The following PTPRC variants were observed in gnomAD, a reference collection of about 807,000 sequenced individuals.
PTPRC encodes the protein receptor-type tyrosine-protein phosphatase C.
Under a neutral mutation model 155.9 loss-of-function variants are expected in PTPRC, and 44 were observed. The ratio of observed to expected loss-of-function variants is 0.28; its 90% CI spans 0.22 to 0.36. The LOEUF is 0.36. Ranked by LOEUF, PTPRC falls within the 10% of genes least tolerant of loss-of-function variation. The pLI is 1.00. For synonymous variants in PTPRC, 525 were observed against 533.1 expected (o/e 0.98, Z 0.21); for missense variants, 1,401 against 1,564.6 (o/e 0.90, Z 1.76).
chr1:198,739,143 C>G (rs1261526514), intron 23 of PTPRC, among the ~76,000 whole-genome samples: 1 of 150,748 alleles, frequency 6.6e-6, no homozygotes, highest in African/African-American at 2.4e-5. Context: ...TAAAGGAAGA[C>G]AGGAAGAAAA....
intron 6 of PTPRC, 100 bp downstream of exon 6, chr1:198,702,630 G>T: frequency 6.6e-7 from 1 of 1,503,890 alleles, no homozygotes. Flanking sequence ...GATATTATTT[G>T]TAGGTTTCCC....
intron 2 of PTPRC, among the ~76,000 whole-genome samples, chr1:198,639,790 T>C (rs1178576754): frequency 2.0e-5 from 3 of 152,102 alleles, no homozygotes; most frequent in Non-Finnish European, 2.9e-5. Context: ...TTTTCAGACC[T>C]GAAGTTTGCT....
At chr1:198,643,137 AC>A (rs1448070588) in intron 2 of PTPRC, among the ~76,000 whole-genome samples, 28 of 151,748 alleles carry the variant, frequency 1.8e-4, no homozygotes, top group African/African-American at 6.8e-4. Flanking sequence ...ATTGAATTGC[AC>A]ACTTTTTATC....
In PTPRC at chr1:198,752,315, G is replaced by C. The variant is rs368690279; in HGVS notation, c.3274G>C (p.Asp1092His). ...TYGDIEVDLK[D>H]TDKSSTYTLR... is the part of the protein sequence containing the mutation. ...TGGAGATATTGAAGTTGACCTGAAA[G>C]ACACAGACAAATCTTCAACTTATAC... The change falls in exon 30 of 33, where the codon GAC becomes CAC. Residue 1092 changes from aspartate to histidine, a missense_variant. Physicochemically the swap from Asp to His is moderately conservative, Grantham distance 81. Coordinates refer to ENST00000442510, the MANE Select transcript of PTPRC (RefSeq NM_002838.5). The C allele has an allele frequency of 5.0e-6, 8 of 1,612,368 alleles. No individual in the cohort carries two copies. The highest frequency in any genetic ancestry group is 6.8e-6 in the Non-Finnish European group (8 of 1,179,020).
intron 4 of PTPRC, among the ~76,000 whole-genome samples, chr1:198,697,356 A>T (rs765587746): frequency 6.6e-6 from 1 of 152,226 alleles, no homozygotes; most frequent in Non-Finnish European, 1.5e-5. Context: ...AAGATAGAGA[A>T]TGTATTATTT....
In PTPRC at chr1:198,752,712, A is replaced by G. The variant is rs776090857; in HGVS notation, c.3449A>G (p.Gln1150Arg). 2.5e-6 allele frequency: 4 copies of G among 1,612,992 alleles called. No homozygotes were observed. The highest frequency in any genetic ancestry group is 1.1e-5 in the South Asian group (1 of 91,066). The part of the protein sequence containing the change: ...MIQVVKQKLP[Q>R]KNSSEGNKHH... ...CAGGTCGTCAAACAAAAACTTCCCC[A>G]GAAGAATTCCTCTGAAGGGAACAAG... The change falls in exon 31 of 33, where the codon CAG becomes CGG. Residue 1150 changes from glutamine (Q) to arginine (R), a missense_variant. Transcript: ENST00000442510.
intron 2 of PTPRC, among the ~76,000 whole-genome samples, chr1:198,685,056 T>C (rs1029974628): frequency 6.6e-6 from 1 of 152,056 alleles, no homozygotes; most frequent in Non-Finnish European, 1.5e-5. Context: ...AGTTTCCTTA[T>C]ATATCAAATG....
intron 2 of PTPRC, among the ~76,000 whole-genome samples, chr1:198,649,004 T>C (rs1202229358): frequency 2.6e-5 from 4 of 151,870 alleles, no homozygotes; most frequent in Non-Finnish European, 5.9e-5. Context: ...TCTCATCTTA[T>C]TCCAGGAAGT....
chr1:198,695,274 C>G (rs1401602496), intron 3 of PTPRC: 2 of 790,660 alleles, frequency 2.5e-6, no homozygotes, highest in African/African-American at 3.8e-5. Flanking sequence ...CTCATTCTCT[C>G]CCTTTTTCCA....
At chr1:198,700,000 C>T (rs1666389328) in intron 5 of PTPRC, 1 of 488,214 alleles carries the variant, frequency 2.0e-6, no homozygotes, top group Non-Finnish European at 3.7e-6. Context: ...ACAGGGAAAA[C>T]TTTTTGTTAG....
At chr1:198,693,793 G>A (rs1666055935) in intron 3 of PTPRC, among the ~76,000 whole-genome samples, 1 of 152,172 alleles carries the variant, frequency 6.6e-6, no homozygotes, top group African/African-American at 2.4e-5. Context: ...CTTAAGATGT[G>A]TGCAAAGATA....
In PTPRC at chr1:198,738,584, A is replaced by C. The variant is rs186946762; in HGVS notation, c.2404-3285A>C. On this transcript the variant is annotated intron_variant, in intron 23 of 32. Transcript: ENST00000442510. Reference sequence around the variant, plus strand: ...GTTGAGGATTTTTGCATCAGTATTCATCAGGGATATTGACCGGTAGTTTTC... The same window carrying C: ...GTTGAGGATTTTTGCATCAGTATTCCTCAGGGATATTGACCGGTAGTTTTC... 5.9e-5 allele frequency among the ~76,000 whole-genome samples: 9 copies of C among 151,956 alleles called. No homozygotes were observed. The East Asian group carries it at 1.7e-3, about 30-fold the overall frequency.
At position 198,734,430 on chromosome 1, in the gene PTPRC, G is replaced by C; in HGVS notation, c.2277+5G>C. On this transcript the variant is annotated splice_donor_5th_base_variant and intron_variant, in intron 22 of 32. Transcript: ENST00000442510. ...CGATGTGAAGAAGGAAACAGGGTAAGAACCAAGAAGATTCATAGTGTGGGT... is the reference window on the plus strand; with the variant it reads ...CGATGTGAAGAAGGAAACAGGGTAACAACCAAGAAGATTCATAGTGTGGGT... 1 of 1,609,472 alleles carries C rather than the reference G, an allele frequency of 6.2e-7. No homozygotes were observed. The highest frequency in any genetic ancestry group is 2.2e-5 in the East Asian group (1 of 44,712).
intron 2 of PTPRC, among the ~76,000 whole-genome samples, chr1:198,652,870 G>A (rs944809574): frequency 3.3e-5 from 5 of 151,754 alleles, no homozygotes; most frequent in Non-Finnish European, 5.9e-5. Flanking sequence ...TGTCAAGGGC[G>A]GCTCGATGGT....
intron 5 of PTPRC, chr1:198,699,995 G>A (rs1666389134): frequency 4.0e-6 from 2 of 496,980 alleles, no homozygotes; most frequent in Non-Finnish European, 7.2e-6. Flanking sequence ...ATTCTACAGG[G>A]AAAACTTTTT....
At chr1:198,708,959 G>A (rs1047788880) in intron 10 of PTPRC, among the ~76,000 whole-genome samples, 3 of 152,222 alleles carry the variant, frequency 2.0e-5, no homozygotes, top group African/African-American at 2.4e-5. Flanking sequence ...AGAGGATGGA[G>A]CATTGCGCTG....
chr1:198,670,328 A>C (rs1158346589), intron 2 of PTPRC, among the ~76,000 whole-genome samples: 1 of 152,134 alleles, frequency 6.6e-6, no homozygotes, highest in Non-Finnish European at 1.5e-5. Context: ...ATGTATGAAA[A>C]CTATATTCAA....
rs180822562 is a variant in PTPRC, at chr1:198,714,725, A to G, written c.1291+1653A>G. Among the ~76,000 whole-genome samples the G allele has an allele frequency of 2.0e-5, 3 of 152,340 alleles. No individual in the cohort carries two copies. In the East Asian group the frequency reaches 5.8e-4, roughly 29 times the overall value. On this transcript the variant is annotated intron_variant, in intron 12 of 32. Transcript: ENST00000442510. ...ATGTTACCTAAGGCAAAGAGAGTTG[A>G]TAGGATTATAGTATCGTTAAGGCAA...
At chr1:198,692,922 A>G (rs1666006830) in intron 3 of PTPRC, 1 of 911,226 alleles carries the variant, frequency 1.1e-6, no homozygotes, top group African/African-American at 1.8e-5. Flanking sequence ...TAAATTTAAA[A>G]CACAGAGATG....
Sources: allele counts gnomAD v4.1 joint callset (sites outside exome capture counted in the v4.1 genomes callset), GRCh38; gene constraint gnomAD v4.1.1; transcripts MANE v1.5; gene names NCBI Gene and HGNC (gene_info 2026-07-23, HGNC 2026-07-21).